PCDHGA5: variants seen among roughly 807,000 people sequenced by gnomAD.
PCDHGA5 encodes the protein protocadherin gamma subfamily A, 5.
In PCDHGA5, 36 loss-of-function variants were observed where a neutral mutation model predicts 56.7. The ratio of observed to expected loss-of-function variants is 0.64; its 90% confidence interval spans 0.49 to 0.84. PCDHGA5 has a LOEUF of 0.84. Ranked by LOEUF, PCDHGA5 falls within the 40% of genes least tolerant of loss-of-function variation. The pLI, the probability that PCDHGA5 is intolerant of heterozygous loss-of-function variation, is 0.00. For missense variants in PCDHGA5, 1,305 were observed against 1,201.5 expected (o/e 1.09, Z -1.27); for synonymous variants, 563 against 520.2 (o/e 1.08, Z -1.12).
chr5:141,398,660 T>C, intron 1 of PCDHGA5: 2 of 1,614,038 alleles, frequency 1.2e-6, no homozygotes, highest in Non-Finnish European at 1.7e-6. Context: ...AACCCAAGTT[T>C]CTCATTAATA....
Position 141,487,003 on chromosome 5 carries a change from C to T in PCDHGA5, c.2422-7804C>T. The stretch of plus-strand genomic sequence containing the variant: ...ACAATGCTTGGGTTTCCTATCAGCT[C>T]CTGGAGGCCCCAGATCCCAGCCTGT... On this transcript the variant is annotated intron_variant, in intron 1 of 3. Transcript: ENST00000518069. The surrounding 1 kb of genome is among the most constrained non-coding windows in gnomAD (Gnocchi z 5.0). 1 of 1,614,228 alleles carries T rather than the reference C, an allele frequency of 6.2e-7. No homozygotes were observed.
At chr5:141,430,383 GA>G (rs139772145) in intron 1 of PCDHGA5, among the ~76,000 whole-genome samples, 3,229 of 138,382 alleles carry the variant, frequency 0.023, 41 homozygotes, top group African/African-American at 0.033. Flanking sequence ...AGCTCATTGG[GA>G]AAAAAAAAAA....
intron 2 of PCDHGA5, among the ~76,000 whole-genome samples, chr5:141,496,827 C>A (rs1595415247): frequency 6.6e-6 from 1 of 151,780 alleles, no homozygotes; most frequent in East Asian, 1.9e-4. Context: ...TAGATGTGAT[C>A]CCAGAACTCA....
chr5:141,382,928 A>G (rs746763440), intron 1 of PCDHGA5: 9 of 1,582,188 alleles, frequency 5.7e-6, no homozygotes, highest in South Asian at 3.4e-5. Flanking sequence ...GGCGGGGACT[A>G]CAGAGGATTC....
intron 1 of PCDHGA5, among the ~76,000 whole-genome samples, chr5:141,451,067 A>G (rs948528671): frequency 6.6e-6 from 1 of 151,848 alleles, no homozygotes; most frequent in African/African-American, 2.4e-5. Flanking sequence ...TGACCTTGTG[A>G]TCCACCCACC....
chr5:141,507,735 C>T (rs942364858), intron 3 of PCDHGA5, among the ~76,000 whole-genome samples: 3 of 152,268 alleles, frequency 2.0e-5, no homozygotes, highest in Non-Finnish European at 2.9e-5. Flanking sequence ...TCATGCAGCT[C>T]GTTCCCCTGT....
At chr5:141,398,249 T>C (rs1462140853) in intron 1 of PCDHGA5, 2 of 1,470,902 alleles carry the variant, frequency 1.4e-6, no homozygotes, top group Non-Finnish European at 1.8e-6. Context: ...CCCGAGGAAA[T>C]GCCCAAGGGC....
intron 2 of PCDHGA5, among the ~76,000 whole-genome samples, chr5:141,503,984 C>T (rs967348519): frequency 2.0e-5 from 3 of 152,184 alleles, no homozygotes; most frequent in African/African-American, 7.2e-5. Context: ...AACCCTTCTT[C>T]TTACCTTACA....
intron 1 of PCDHGA5, chr5:141,413,290 A>T: frequency 6.2e-7 from 1 of 1,613,924 alleles, no homozygotes; most frequent in Non-Finnish European, 8.5e-7. Context: ...CTCCTACTCA[A>T]TTCCTGAGGA....
At chr5:141,423,003 G>A (rs779233337) in intron 1 of PCDHGA5, 1 of 1,614,208 alleles carries the variant, frequency 6.2e-7, no homozygotes, top group African/African-American at 1.3e-5. Flanking sequence ...TGACCAAGGT[G>A]GTTGCGGTGG....
chr5:141,454,796 ATTTTTT>A (rs61612330), intron 1 of PCDHGA5, among the ~76,000 whole-genome samples: 41 of 77,454 alleles, frequency 5.3e-4, no homozygotes, highest in African/African-American at 1.7e-3. Context: ...CATGGTTCTA[ATTTTTT>A]TTTTTTTTTT....
chr5:141,372,442 A>T, intron 1 of PCDHGA5: 1 of 1,613,914 alleles, frequency 6.2e-7, no homozygotes, highest in South Asian at 1.1e-5. Flanking sequence ...ACTCCCTCTG[A>T]CCCTCAGGCG....
At position 141,491,423 on chromosome 5, in the gene PCDHGA5, G is replaced by A; in HGVS notation, c.2422-3384G>A. The A allele has an allele frequency of 3.1e-6, 5 of 1,614,126 alleles. No homozygotes were observed. Among genetic ancestry groups the A allele is most frequent in the Non-Finnish European group, 4.2e-6 (5 of 1,180,036 alleles). ...AACGCAGACGGGGACGGGGGTGGAGGGCAGTGCTGCAGGCGCCAGGACTCA... is the reference window on the plus strand; with the variant it reads ...AACGCAGACGGGGACGGGGGTGGAGAGCAGTGCTGCAGGCGCCAGGACTCA... On this transcript the variant is annotated intron_variant, in intron 1 of 3. Transcript: ENST00000518069. The surrounding 1 kb of genome is among the most constrained non-coding windows in gnomAD (Gnocchi z 6.9).
chr5:141,415,915 TGC>T, intron 1 of PCDHGA5: 1 of 724,854 alleles, frequency 1.4e-6, no homozygotes, highest in Non-Finnish European at 1.9e-6. Flanking sequence ...CATACAGAAG[TGC>T]CTGTCAATTT....
intron 1 of PCDHGA5, chr5:141,375,921 A>G: frequency 6.2e-7 from 1 of 1,613,712 alleles, no homozygotes; most frequent in Admixed American, 1.7e-5. Context: ...AAGGCCAGCG[A>G]GCCAGGACTT....
chr5:141,426,806 T>C (rs1390972821), intron 1 of PCDHGA5: 1 of 456,600 alleles, frequency 2.2e-6, no homozygotes, highest in Non-Finnish European at 4.4e-6. Context: ...TCAGTTCTAA[T>C]GAACATTTCT....
Position 141,477,920 on chromosome 5 carries a change from C to A in PCDHGA5, c.2422-16887C>A, listed in dbSNP as rs755219711. ...GGTAGGCTGGGACGCGGATGCAGGGCACAATGCCTGGCTCTCCTACAGTCT... is the reference window on the plus strand; with the variant it reads ...GGTAGGCTGGGACGCGGATGCAGGGAACAATGCCTGGCTCTCCTACAGTCT... On this transcript the variant is annotated intron_variant, in intron 1 of 3. Transcript: ENST00000518069. The surrounding 1 kb of genome is among the most constrained non-coding windows in gnomAD (Gnocchi z 4.9). The A allele has an allele frequency of 6.2e-7, 1 of 1,614,180 alleles. No individual in the cohort carries two copies. The highest frequency in any genetic ancestry group is 8.5e-7 in the Non-Finnish European group (1 of 1,180,038).
At chr5:141,395,220 G>A (rs1331532806) in intron 1 of PCDHGA5, 1 of 1,611,732 alleles carries the variant, frequency 6.2e-7, no homozygotes, top group Non-Finnish European at 8.5e-7. Flanking sequence ...ATATAAGAAT[G>A]AAGCTGATCA....
Position 141,399,994 on chromosome 5 carries a change from C to T in PCDHGA5, c.2421+33243C>T, listed in dbSNP as rs538358679. 27 of 1,612,262 alleles carry T rather than the reference C, an allele frequency of 1.7e-5. No individual in the cohort carries two copies. The East Asian group carries it at 1.8e-4, about 11-fold the overall frequency. On this transcript the variant is annotated intron_variant, in intron 1 of 3. Coordinates refer to ENST00000518069, the MANE Select transcript of PCDHGA5 (RefSeq NM_018918.3). ...CCTGGGGCTGCGCACAGGAGAGGTG[C>T]GCACAGCGCGTGCCTTGGGCGACAG...
Sources: gnomAD v4.1 joint callset for allele counts (sites outside exome capture counted in the v4.1 genomes callset) on GRCh38, gnomAD v4.1.1 for gene constraint, Gnocchi (gnomAD v3.1) non-coding constraint, MANE v1.5 for transcripts, NCBI Gene and HGNC (gene_info 2026-07-23, HGNC 2026-07-21) for gene names.